The following ZBTB20 variants were observed in gnomAD, a reference collection of about 807,000 sequenced individuals.
ZBTB20 encodes zinc finger and BTB domain-containing protein 20.
ZBTB20 carries 9 observed loss-of-function variants against 56.9 expected under a neutral mutation model. That is an observed-to-expected ratio of 0.16 (90% CI 0.10 to 0.28). The LOEUF (loss-of-function observed/expected upper bound fraction) is 0.28. Ranked by LOEUF, ZBTB20 falls within the 10% of genes least tolerant of loss-of-function variation. ZBTB20 has a pLI of 1.00. For missense variants in ZBTB20, 655 were observed against 1,003.0 expected (o/e 0.65, Z 4.69); for synonymous variants, 417 against 420.7 (o/e 0.99, Z 0.11).
Position 114,329,973 on chromosome 3 carries a change from G to GC in ZBTB20, c.*9031dup. On this transcript the variant is annotated 3_prime_UTR_variant, in exon 12 of 12. Coordinates refer to ENST00000675478, the MANE Select transcript of ZBTB20 (RefSeq NM_001348800.3). Reference sequence around the variant, plus strand: ...GGTCAGATCATGTGGCACTTAAGTAGCCCCTTGGTCATATTTTTAAAAGCA... The same window carrying GC: ...GGTCAGATCATGTGGCACTTAAGTAGCCCCCTTGGTCATATTTTTAAAAGCA... The GC allele has an allele frequency of 6.6e-6, 1 of 152,274 alleles. No homozygotes were observed. Among genetic ancestry groups the GC allele is most frequent in the East Asian group, 1.9e-4 (1 of 5,192 alleles). 9.4% of individuals were successfully genotyped at this position (152,274 alleles called of 1,614,324 possible).
intron 2 of ZBTB20, among the ~76,000 whole-genome samples, chr3:115,033,079 G>T (rs1009163704): frequency 3.3e-5 from 5 of 150,950 alleles, no homozygotes; most frequent in Admixed American, 1.3e-4. Context: ...CCAAAAGTTG[G>T]TTCTTCAAAA....
At chr3:114,837,440 G>A (rs1424679903) in intron 4 of ZBTB20, among the ~76,000 whole-genome samples, 1 of 152,156 alleles carries the variant, frequency 6.6e-6, no homozygotes, top group Non-Finnish European at 1.5e-5. Flanking sequence ...TCTGGGCTCA[G>A]TATAGGTAGG....
intron 5 of ZBTB20, among the ~76,000 whole-genome samples, chr3:114,694,513 C>T (rs1435833969): frequency 6.6e-6 from 1 of 151,902 alleles, no homozygotes; most frequent in Non-Finnish European, 1.5e-5. Context: ...ATTCGTGTAG[C>T]TAAAAGTAAT....
intron 10 of ZBTB20, among the ~76,000 whole-genome samples, chr3:114,364,390 G>T (rs181962720): frequency 1.4e-3 from 218 of 152,310 alleles, no homozygotes; most frequent in African/African-American, 4.9e-3. Context: ...GGCGGAGGTT[G>T]CAGTGAGCTG....
chr3:114,352,803 G>C (rs1324373536), intron 10 of ZBTB20, among the ~76,000 whole-genome samples: 1 of 152,200 alleles, frequency 6.6e-6, no homozygotes, highest in Non-Finnish European at 1.5e-5. Context: ...AGAGAGCATT[G>C]TTAATAATTA....
At chr3:114,761,682 A>C (rs2068451772) in intron 5 of ZBTB20, among the ~76,000 whole-genome samples, 1 of 151,972 alleles carries the variant, frequency 6.6e-6, no homozygotes, top group South Asian at 2.1e-4. Flanking sequence ...TAAAAATACA[A>C]AAACTAGATG....
Position 114,835,144 on chromosome 3 carries a change from A to G in ZBTB20, c.-416-33970T>C, listed in dbSNP as rs1440861656. On this transcript the variant is annotated intron_variant, in intron 4 of 11. Transcript: ENST00000675478. ...TCTGAAGTGACACCTAAAGCTTGCTAAAGGTTTCAGGAGGGCTTTTGTAAA... is the reference window on the plus strand; with the variant it reads ...TCTGAAGTGACACCTAAAGCTTGCTGAAGGTTTCAGGAGGGCTTTTGTAAA... Among the ~76,000 whole-genome samples the G allele has an allele frequency of 5.3e-5, 8 of 152,294 alleles. No homozygotes were observed. The East Asian group carries it at 1.4e-3, about 26-fold the overall frequency.
intron 5 of ZBTB20, among the ~76,000 whole-genome samples, chr3:114,762,556 G>T (rs1264364977): frequency 1.3e-5 from 2 of 152,182 alleles, no homozygotes; most frequent in Non-Finnish European, 2.9e-5. Context: ...TTGCTTGTGT[G>T]TGTAAGTAAA....
chr3:114,874,435 T>C (rs2076120438), intron 4 of ZBTB20, among the ~76,000 whole-genome samples: 2 of 152,176 alleles, frequency 1.3e-5, no homozygotes, highest in South Asian at 4.1e-4. Flanking sequence ...CATATTGCTA[T>C]AAACTCATCT....
chr3:114,848,656 C>A (rs749918541), intron 4 of ZBTB20, among the ~76,000 whole-genome samples: 1 of 152,136 alleles, frequency 6.6e-6, no homozygotes, highest in Non-Finnish European at 1.5e-5. Flanking sequence ...AGTTTCTAAT[C>A]CTCTGCCTTT....
intron 10 of ZBTB20, among the ~76,000 whole-genome samples, chr3:114,360,367 G>A (rs1160407157): frequency 3.4e-5 from 5 of 147,194 alleles, no homozygotes; most frequent in Non-Finnish European, 7.5e-5. Context: ...TTTTTGAGAC[G>A]GAGTCTTGTT....
At chr3:114,428,744 A>T (rs937475816) in intron 7 of ZBTB20, among the ~76,000 whole-genome samples, 1 of 152,226 alleles carries the variant, frequency 6.6e-6, no homozygotes, top group African/African-American at 2.4e-5. Flanking sequence ...AAACAATAGG[A>T]TACCTCTCAA....
At chr3:114,506,500 T>C (rs1479395439) in intron 6 of ZBTB20, among the ~76,000 whole-genome samples, 3 of 152,152 alleles carry the variant, frequency 2.0e-5, no homozygotes, top group Admixed American at 6.6e-5. Flanking sequence ...ATTTGTTTAA[T>C]ACATTTAGGA....
intron 1 of ZBTB20, among the ~76,000 whole-genome samples, chr3:115,087,264 G>C (rs1048553776): frequency 6.6e-6 from 1 of 151,756 alleles, no homozygotes; most frequent in Non-Finnish European, 1.5e-5. Flanking sequence ...CTTTAAATAG[G>C]TGTCCATTAC....
chr3:114,924,741 T>C (rs1167461639), intron 3 of ZBTB20, among the ~76,000 whole-genome samples: 1 of 152,146 alleles, frequency 6.6e-6, no homozygotes, highest in African/African-American at 2.4e-5. Flanking sequence ...ATACAATCTT[T>C]GTCAATTAAA....
At chr3:115,048,414 A>C (rs1310318619) in intron 2 of ZBTB20, among the ~76,000 whole-genome samples, 1 of 152,130 alleles carries the variant, frequency 6.6e-6, no homozygotes, top group Non-Finnish European at 1.5e-5. Context: ...AGACCATTTC[A>C]AGGTCTGCCT....
At chr3:115,093,904 T>C (rs2083288301) in intron 1 of ZBTB20, among the ~76,000 whole-genome samples, 3 of 152,158 alleles carry the variant, frequency 2.0e-5, no homozygotes, top group African/African-American at 7.2e-5. Flanking sequence ...ATGCAAAAAC[T>C]AATGCTGTAC....
intron 7 of ZBTB20, among the ~76,000 whole-genome samples, chr3:114,389,813 C>T (rs536624357): frequency 1.8e-3 from 247 of 136,620 alleles, no homozygotes; most frequent in Admixed American, 3.1e-3. Context: ...CGCTTGAACC[C>T]GGGAGGCGGA....
chr3:115,072,918 G>C (rs1182540974), intron 1 of ZBTB20, among the ~76,000 whole-genome samples: 1 of 152,152 alleles, frequency 6.6e-6, no homozygotes, highest in Non-Finnish European at 1.5e-5. Context: ...TTTAGCCTTA[G>C]ATTCCTCATT....
Sources: allele counts gnomAD v4.1 joint callset (sites outside exome capture counted in the v4.1 genomes callset), GRCh38; gene constraint gnomAD v4.1.1; transcripts MANE v1.5; gene names NCBI Gene and HGNC (gene_info 2026-07-23, HGNC 2026-07-21).